Variants in MEI4 observed in about 807,000 individuals in gnomAD.
The protein encoded by MEI4 is meiosis-specific protein MEI4.
In MEI4, 27 loss-of-function variants were observed where a neutral mutation model predicts 31.4. The ratio of observed to expected loss-of-function variants is 0.86; its 90% CI spans 0.63 to 1.19. MEI4 has a LOEUF of 1.19. Ranked by LOEUF, MEI4 falls within the 50% of genes most tolerant of loss-of-function variation. The pLI is 0.00. For missense variants in MEI4, 329 were observed against 398.9 expected (o/e 0.82, Z 1.49); for synonymous variants, 122 against 145.4 (o/e 0.84, Z 1.16).
intron 4 of MEI4, among the ~76,000 whole-genome samples, chr6:77,855,542 A>G (rs1770725693): frequency 6.6e-6 from 1 of 152,180 alleles, no homozygotes; most frequent in South Asian, 2.1e-4. Flanking sequence ...AAGTAAAAAG[A>G]TTTCCATGCT....
chr6:77,874,285 C>T (rs1023778498), intron 4 of MEI4, among the ~76,000 whole-genome samples: 7 of 152,264 alleles, frequency 4.6e-5, no homozygotes, highest in African/African-American at 1.7e-4. Context: ...TTTCCTTGAG[C>T]AGTGGTTTGT....
intron 2 of MEI4, among the ~76,000 whole-genome samples, chr6:77,729,598 T>C (rs1766918109): frequency 6.6e-6 from 1 of 152,182 alleles, no homozygotes; most frequent in Admixed American, 6.5e-5. Flanking sequence ...TAATGCAGGC[T>C]GAGTGCAGGA....
At chr6:77,650,307 T>C (rs1393282600), upstream of MEI4, among the ~76,000 whole-genome samples, 1 of 152,210 alleles carries the variant, frequency 6.6e-6, no homozygotes, top group African/African-American at 2.4e-5. Flanking sequence ...TGTGGAGCAC[T>C]CGTCTCCTCC....
rs202228267 is a variant in MEI4 at position 77,791,690 on chromosome 6, AAAG to A, written c.768+30028_768+30030del. ...AAAACTTAAAGTATAAAAAAAAAAAAAAGAAATATCTGTACATTGTGGAGTGGC... is the reference window on the plus strand; with the variant it reads ...AAAACTTAAAGTATAAAAAAAAAAAAAAATATCTGTACATTGTGGAGTGGC... On this transcript the variant is annotated intron_variant, in intron 3 of 4. Transcript: ENST00000684080. Among the ~76,000 whole-genome samples the A allele has an allele frequency of 1.0e-3, 154 of 149,948 alleles. 1 individual carries two copies. Among genetic ancestry groups the A allele is most frequent in the East Asian group, 6.6e-3 (31 of 4,704 alleles).
chr6:77,911,156 C>A (rs1176638635), intron 4 of MEI4, among the ~76,000 whole-genome samples: 3 of 151,942 alleles, frequency 2.0e-5, no homozygotes, highest in African/African-American at 7.2e-5. Flanking sequence ...CTTGCATACT[C>A]TGGATATTAG....
Position 77,883,525 on chromosome 6 carries a change from A to G in MEI4, c.901-39564A>G, listed in dbSNP as rs192988036. On this transcript the variant is annotated intron_variant, in intron 4 of 4. Coordinates refer to ENST00000684080, the MANE Select transcript of MEI4 (RefSeq NM_001322247.2). The stretch of plus-strand genomic sequence containing the variant: ...CATGAGAGCAACTTTTTTAGCTCGC[A>G]CATATAAGTGACAATCTGCAATGTT... Among the ~76,000 whole-genome samples, 1,280 of 151,420 alleles carry G rather than the reference A, an allele frequency of 8.5e-3. 5 individuals carry two copies. Among genetic ancestry groups the G allele is most frequent in the Non-Finnish European group, 0.014 (927 of 67,876 alleles).
intron 4 of MEI4, among the ~76,000 whole-genome samples, chr6:77,871,206 C>A (rs1488373656): frequency 6.6e-6 from 1 of 151,918 alleles, no homozygotes; most frequent in Non-Finnish European, 1.5e-5. Flanking sequence ...AAAGAGAAAC[C>A]AGGACTTTTT....
intron 4 of MEI4, among the ~76,000 whole-genome samples, chr6:77,870,688 CTG>C (rs758067943): frequency 7.0e-4 from 91 of 129,584 alleles, no homozygotes; most frequent in Non-Finnish European, 1.4e-3. Flanking sequence ...GCTAGCAAAA[CTG>C]TACTTACATT....
chr6:77,889,808 G>A (rs1044734774), intron 4 of MEI4, among the ~76,000 whole-genome samples: 4 of 152,194 alleles, frequency 2.6e-5, no homozygotes, highest in Admixed American at 1.3e-4. Flanking sequence ...ATAGTGCCCT[G>A]TGTCTCTGCT....
intron 2 of MEI4, chr6:77,716,705 A>G (rs1766589123): frequency 5.7e-6 from 1 of 176,564 alleles, no homozygotes; most frequent in African/African-American, 2.4e-5. Flanking sequence ...AATTTTGGGA[A>G]AGGTAATATC....
chr6:77,652,243 G>T (rs747492137), upstream of MEI4, among the ~76,000 whole-genome samples: 23 of 152,174 alleles, frequency 1.5e-4, no homozygotes, highest in Admixed American at 3.3e-4. Context: ...CTAATGGTTT[G>T]AGGAAAATTA....
intron 3 of MEI4, among the ~76,000 whole-genome samples, chr6:77,767,362 G>A (rs1476040725): frequency 6.6e-6 from 1 of 151,412 alleles, no homozygotes; most frequent in Non-Finnish European, 1.5e-5. Context: ...CCTGGTGACT[G>A]AGACTCCCTC....
At chr6:77,770,067 A>G (rs996069084) in intron 3 of MEI4, among the ~76,000 whole-genome samples, 1 of 152,000 alleles carries the variant, frequency 6.6e-6, no homozygotes, top group Admixed American at 6.6e-5. Flanking sequence ...AACAAAATCA[A>G]AAAACCTTTA....
At chr6:77,818,042 A>C (rs1175371918) in intron 3 of MEI4, among the ~76,000 whole-genome samples, 1 of 152,100 alleles carries the variant, frequency 6.6e-6, no homozygotes, top group Non-Finnish European at 1.5e-5. Flanking sequence ...TATAAAACAA[A>C]CCATTGAACA....
chr6:77,680,128 A>AAAAT (rs1247876878), intron 1 of MEI4, among the ~76,000 whole-genome samples: 1 of 115,508 alleles, frequency 8.7e-6, no homozygotes, highest in Non-Finnish European at 1.9e-5. Context: ...AAAAAAAAAA[A>AAAAT]ATTAGCTGGG....
intron 1 of MEI4, among the ~76,000 whole-genome samples, chr6:77,682,778 T>C (rs975622536): frequency 6.6e-5 from 10 of 152,282 alleles, no homozygotes; most frequent in African/African-American, 2.4e-4. Context: ...TTGGTCATAC[T>C]GGAAAGTTTT....
At position 77,761,220 on chromosome 6, in the gene MEI4, A is replaced by G. The variant is rs146502233; in HGVS notation, c.323A>G (p.Asn108Ser). ...GAAGATTCTGGATGTGATTTGTCGA[A>G]TGAGCAGAGAACTGAATCCTCAGAC... ...SMEDSGCDLSNEQRTESSDLS... is the reference protein window; with the variant it reads ...SMEDSGCDLSSEQRTESSDLS... Residue 108 changes from asparagine (N) to serine (S), a missense_variant, in exon 3 of 5, where the codon AAT (asparagine) becomes AGT (serine). Asn to Ser is a conservative substitution (Grantham distance 46, BLOSUM62 1). Transcript: ENST00000684080. The G allele has an allele frequency of 2.5e-4, 314 of 1,232,460 alleles. No individual in the cohort carries two copies. In the African/African-American group the frequency reaches 4.5e-3, roughly 18 times the overall value. 76.3% of individuals were successfully genotyped at this position (1,232,460 alleles called of 1,614,324 possible).
At position 77,925,456 on chromosome 6, in the gene MEI4, A is replaced by AAGAT. The variant is rs1477288900; in HGVS notation, c.*2112_*2115dup. On this transcript the variant is annotated 3_prime_UTR_variant, in exon 5 of 5. Coordinates refer to ENST00000684080, the MANE Select transcript of MEI4 (RefSeq NM_001322247.2). ...AGGTCCAAATCTACTGGTCAAAAAG[A>AAGAT]AGATAAAATGATAAAATGAGACATT... The AAGAT allele has an allele frequency of 1.3e-5, 2 of 151,000 alleles. No homozygotes were observed. Among genetic ancestry groups the AAGAT allele is most frequent in the African/African-American group, 4.9e-5 (2 of 40,802 alleles). 9.4% of individuals were successfully genotyped at this position (151,000 alleles called of 1,614,324 possible). A position where few individuals can be genotyped will look rare whatever the true frequency, so the allele number is the denominator to read the frequency against.
chr6:77,704,791 T>A (rs1766295917), intron 2 of MEI4, among the ~76,000 whole-genome samples: 1 of 152,082 alleles, frequency 6.6e-6, no homozygotes, highest in African/African-American at 2.4e-5. Flanking sequence ...CACCTGAGTG[T>A]TTTGAATGAT....
Sources: allele counts gnomAD v4.1 joint callset (sites outside exome capture counted in the v4.1 genomes callset), GRCh38; gene constraint gnomAD v4.1.1; transcripts MANE v1.5; gene names NCBI Gene and HGNC (gene_info 2026-07-23, HGNC 2026-07-21).